Variants in PTGES2 observed in about 807,000 individuals in gnomAD.
The protein encoded by PTGES2 is prostaglandin E synthase 2.
In PTGES2, 35 loss-of-function variants were observed where a neutral mutation model predicts 44.5. The ratio of observed to expected loss-of-function variants is 0.79; its 90% confidence interval spans 0.60 to 1.04. The LOEUF (loss-of-function observed/expected upper bound fraction) is 1.04, where lower values mean the gene tolerates loss of function less well. Among genes scored for constraint, PTGES2 ranks in the 50% least tolerant of loss-of-function variants. PTGES2 has a pLI of 0.00. For synonymous variants in PTGES2, 221 were observed against 227.5 expected (o/e 0.97, Z 0.26); for missense variants, 517 against 521.4 (o/e 0.99, Z 0.08).
At position 128,123,645 on chromosome 9, in the gene PTGES2, C is replaced by A; in HGVS notation, c.686+57G>T. On this transcript the variant is annotated intron_variant, in intron 4 of 6. Coordinates refer to ENST00000338961, the MANE Select transcript of PTGES2 (RefSeq NM_025072.7). The surrounding 1 kb of genome is among the most constrained non-coding windows in gnomAD (Gnocchi z 4.4). Reference sequence around the variant, plus strand: ...CGCCATCTTGCTCAGCTTGGTCCTACTCTACAGAAGACCCCTGCGGTCACC... The same window carrying A: ...CGCCATCTTGCTCAGCTTGGTCCTAATCTACAGAAGACCCCTGCGGTCACC... The A allele has an allele frequency of 6.4e-7, 1 of 1,563,374 alleles. No individual in the cohort carries two copies. Among genetic ancestry groups the A allele is most frequent in the Non-Finnish European group, 8.7e-7 (1 of 1,145,186 alleles).
intron 2 of PTGES2, 31 bp downstream of exon 2, chr9:128,125,213 G>C (rs1564211483): frequency 6.5e-7 from 1 of 1,546,260 alleles, no homozygotes. Flanking sequence ...CAGGAAAGGA[G>C]GAAGGATGCA....
At chr9:128,127,964 G>A (rs1352833705), upstream of PTGES2, 6 of 449,360 alleles carry the variant, frequency 1.3e-5, no homozygotes, top group South Asian at 1.1e-4. Flanking sequence ...AAAGGCTCTT[G>A]GGTAGTGACC....
chr9:128,128,306 G>A (rs1260133637), upstream of PTGES2: 3 of 456,102 alleles, frequency 6.6e-6, no homozygotes, highest in East Asian at 1.4e-4. Flanking sequence ...CGGCCGGCCC[G>A]CCGACCCCGA....
chr9:128,124,436 T>G (rs895526346), intron 3 of PTGES2, 56 bp downstream of exon 3: 1 of 1,540,322 alleles, frequency 6.5e-7, no homozygotes, highest in African/African-American at 1.4e-5. Flanking sequence ...AGGGGAGGCC[T>G]CCCTGGAGGA....
At chr9:128,121,722 G>C (rs1303885552) in intron 6 of PTGES2, among the ~76,000 whole-genome samples, 2 of 152,168 alleles carry the variant, frequency 1.3e-5, no homozygotes, top group African/African-American at 2.4e-5. Flanking sequence ...AGACCAGCCT[G>C]ACCAACATAC....
upstream of PTGES2, chr9:128,128,099 C>G (rs183541829): frequency 6.6e-5 from 24 of 361,442 alleles, no homozygotes; most frequent in Middle Eastern, 4.2e-4. Flanking sequence ...AACTCCAGCC[C>G]TTCCTAGAGT....
In PTGES2 at chr9:128,120,993, CTG is replaced by C. The variant is rs146605618; in HGVS notation, c.*150_*151del. On this transcript the variant is annotated 3_prime_UTR_variant, in exon 7 of 7. Transcript: ENST00000338961. ...ACATCCCTGAGCCCCAGCAGGTGCC[CTG>C]TGTTAGAAGCGAGAGGGCTGGTGGG... 304 of 999,270 alleles carry C rather than the reference CTG, an allele frequency of 3.0e-4. 3 individuals are homozygous for C. In the East Asian group the frequency reaches 8.0e-3, roughly 26 times the overall value. The allele number at this position is 999,270 out of a possible 1,614,324, so 61.9% of individuals were successfully genotyped here.
intron 2 of PTGES2, 60 bp from the exon 3 acceptor site, chr9:128,124,610 G>A (rs776033674): frequency 1.3e-6 from 2 of 1,525,854 alleles, no homozygotes; most frequent in Non-Finnish European, 9.1e-7. Context: ...GAGTCACCAG[G>A]GGCTCTTTAA....
In PTGES2 at chr9:128,123,590, CCG is replaced by C; in HGVS notation, c.686+110_686+111del. 1 of 1,169,748 alleles carries C rather than the reference CCG, an allele frequency of 8.5e-7. No individual in the cohort carries two copies. Among genetic ancestry groups the C allele is most frequent in the Non-Finnish European group, 1.2e-6 (1 of 832,858 alleles). 72.5% of individuals were successfully genotyped at this position (1,169,748 alleles called of 1,614,324 possible). ...AATCCGGCATGGCCCGGCCCCAGCC[CCG>C]CTGGTCTCCCATGCTGCTCCCTGCT... On this transcript the variant is annotated intron_variant, in intron 4 of 6. Coordinates refer to ENST00000338961, the MANE Select transcript of PTGES2 (RefSeq NM_025072.7). This position sits in a 1 kb window ranked among gnomAD's most constrained non-coding sequence, Gnocchi z 4.4.
At position 128,124,727 on chromosome 9, in the gene PTGES2, A is replaced by G. The variant is rs1200854341; in HGVS notation, c.478-177T>C. 6.0e-6 allele frequency: 8 copies of G among 1,334,608 alleles called. No individual in the cohort carries two copies. The East Asian group carries it at 2.1e-4, about 34-fold the overall frequency. The allele number at this position is 1,334,608 out of a possible 1,614,324, so 82.7% of individuals were successfully genotyped here. A position where few individuals can be genotyped will look rare whatever the true frequency, so the allele number is the denominator to read the frequency against. On this transcript the variant is annotated intron_variant, in intron 2 of 6. Coordinates refer to ENST00000338961, the MANE Select transcript of PTGES2 (RefSeq NM_025072.7). ...AAGTAGGGAGACGTGGTTGTGGCCA[A>G]TGGGGAGGAAGGTGTGGGAAAGCCG...
At position 128,120,791 on chromosome 9, in the gene PTGES2, C is replaced by G. The variant is rs1834376927; in HGVS notation, c.*354G>C. 1 of 241,346 alleles carries G rather than the reference C, an allele frequency of 4.1e-6. No individual in the cohort carries two copies. Among genetic ancestry groups the G allele is most frequent in the Non-Finnish European group, 8.1e-6 (1 of 123,922 alleles). 15.0% of individuals were successfully genotyped at this position (241,346 alleles called of 1,614,324 possible). A position where few individuals can be genotyped will look rare whatever the true frequency, so the allele number is the denominator to read the frequency against. On this transcript the variant is annotated 3_prime_UTR_variant, in exon 7 of 7. Transcript: ENST00000338961. Reference sequence around the variant, plus strand: ...TTGGGAAGAGTGGGAACCAGGGGAACCCAGGGATGGGATTCCACTGAAAAC... The same window carrying G: ...TTGGGAAGAGTGGGAACCAGGGGAAGCCAGGGATGGGATTCCACTGAAAAC...
Position 128,124,506 on chromosome 9 carries a change from G to C in PTGES2, c.522C>G (p.Thr174=), listed in dbSNP as rs1377012890. Residue 174 remains threonine, a synonymous_variant, in exon 3 of 7, where the codon ACC becomes ACG. Transcript: ENST00000338961. Reference sequence around the variant, plus strand: ...GGGCTCCTTACCCCGACACCAGGTAGGTCTTGAGGGCGCTGATGATGACAG... The same window carrying C: ...GGGCTCCTTACCCCGACACCAGGTACGTCTTGAGGGCGCTGATGATGACAG... ...DSSVIISALK[T]YLVSGQPLEE... The C allele has an allele frequency of 3.1e-6, 5 of 1,613,812 alleles. No individual in the cohort carries two copies. Among genetic ancestry groups the C allele is most frequent in the Admixed American group, 1.7e-5 (1 of 60,016 alleles).
At chr9:128,124,432 G>C (rs1308412469) in intron 3 of PTGES2, 60 bp downstream of exon 3, 2 of 1,500,172 alleles carry the variant, frequency 1.3e-6, no homozygotes, top group Admixed American at 3.4e-5. Context: ...ACTCAGGGGA[G>C]GCCTCCCTGG....
intron 1 of PTGES2, among the ~76,000 whole-genome samples, chr9:128,126,890 T>A (rs564010411): frequency 7.4e-6 from 1 of 135,098 alleles, no homozygotes; most frequent in South Asian, 2.3e-4. Context: ...CCTTAAAACA[T>A]GGTAAAGGCT....
At chr9:128,125,115 T>G in intron 2 of PTGES2, 129 bp downstream of exon 2, 1 of 872,694 alleles carries the variant, frequency 1.1e-6, no homozygotes. Flanking sequence ...TGCAGCTACT[T>G]CCCCCATAGT....
chr9:128,124,944 A>G (rs1588072125), intron 2 of PTGES2: 6 of 1,061,018 alleles, frequency 5.7e-6, no homozygotes, highest in African/African-American at 1.6e-5. Context: ...GACTTGCCCC[A>G]AGTCACACAG....
In PTGES2 at chr9:128,122,388, C is replaced by A. The variant is rs749107969; in HGVS notation, c.979G>T (p.Gly327Cys). The A allele has an allele frequency of 1.3e-5, 21 of 1,614,052 alleles. No individual in the cohort carries two copies. Among genetic ancestry groups the A allele is most frequent in the Non-Finnish European group, 1.7e-5 (20 of 1,180,002 alleles). ...AAATCAGCGAGATTCGGCTTCTGGC[C>A]CCCCATGAAGGGCCGGTCCTTGCCC... ...AVGKDRPFMG[G>C]QKPNLADLAV... Residue 327 changes from glycine (G) to cysteine (C), a missense_variant, in exon 6 of 7, where the codon GGC becomes TGC. Gly to Cys is a radical substitution (Grantham distance 159). Transcript: ENST00000338961.
At chr9:128,124,085 ATTT>A (rs59897123) in intron 3 of PTGES2, among the ~76,000 whole-genome samples, 1 of 140,012 alleles carries the variant, frequency 7.1e-6, no homozygotes, top group Admixed American at 7.1e-5. Flanking sequence ...CTGGAAAATC[ATTT>A]TTTTTTTTTT....
rs1834381863 is a variant in PTGES2, at chr9:128,120,894, G to A, written c.*251C>T. 2 of 517,932 alleles carry A rather than the reference G, an allele frequency of 3.9e-6. No homozygotes were observed. The highest frequency in any genetic ancestry group is 7.1e-5 in the East Asian group (2 of 28,194). 32.1% of individuals were successfully genotyped at this position (517,932 alleles called of 1,614,324 possible). A position where few individuals can be genotyped will look rare whatever the true frequency, so the allele number is the denominator to read the frequency against. ...GACAGCCACTGAGGGTCCAGGAAGAGGGGCGGCAGAGCAGGGAGGCAGGGA... is the reference window on the plus strand; with the variant it reads ...GACAGCCACTGAGGGTCCAGGAAGAAGGGCGGCAGAGCAGGGAGGCAGGGA... On this transcript the variant is annotated 3_prime_UTR_variant, in exon 7 of 7. Coordinates refer to ENST00000338961, the MANE Select transcript of PTGES2 (RefSeq NM_025072.7).
Sources: allele counts gnomAD v4.1 joint callset (sites outside exome capture counted in the v4.1 genomes callset), GRCh38; gene constraint gnomAD v4.1.1; non-coding constraint Gnocchi (gnomAD v3.1); transcripts MANE v1.5; gene names NCBI Gene and HGNC (gene_info 2026-07-23, HGNC 2026-07-21).